The following TSPAN12 variants were observed in gnomAD, a reference collection of about 807,000 sequenced individuals.
The protein encoded by TSPAN12 is tetraspanin 12, also known as tetraspanin-12.
A neutral mutation model predicts 39.2 loss-of-function variants in TSPAN12; 19 were observed. That is an observed-to-expected ratio of 0.49 (90% CI 0.34 to 0.71). TSPAN12 has a LOEUF of 0.71. Ranked by LOEUF, TSPAN12 falls within the 30% of genes least tolerant of loss-of-function variation. The probability of loss-of-function intolerance (pLI) is 0.01; values close to 1 mark genes in which losing one functional copy is unlikely to be tolerated. For synonymous variants in TSPAN12, 119 were observed against 124.8 expected, an observed-to-expected ratio of 0.95 and a Z score of 0.31; for missense variants, 314 against 359.9, an observed-to-expected ratio of 0.87 and a Z score of 1.03.
intron 2 of TSPAN12, among the ~76,000 whole-genome samples, chr7:120,842,565 G>A (rs1433185381): frequency 1.3e-5 from 2 of 151,876 alleles, no homozygotes; most frequent in East Asian, 1.9e-4. Context: ...GGGCTTCGAC[G>A]TGCCAGGGTT....
chr7:120,799,282 C>T (rs1793693345), intron 7 of TSPAN12, among the ~76,000 whole-genome samples: 1 of 151,230 alleles, frequency 6.6e-6, no homozygotes, highest in Admixed American at 6.6e-5. Flanking sequence ...CTAGGTGGAG[C>T]TTGCCAGAAG....
Position 120,801,544 on chromosome 7 carries a change from G to C in TSPAN12, c.612+5005C>G, listed in dbSNP as rs921808795. ...AAATCTGTGGGAATACTACTTTTCTGAAGAAGCAGCCAATATATTTGAACA... is the reference window on the plus strand; with the variant it reads ...AAATCTGTGGGAATACTACTTTTCTCAAGAAGCAGCCAATATATTTGAACA... On this transcript the variant is annotated intron_variant, in intron 7 of 7. Transcript: ENST00000222747. Among the ~76,000 whole-genome samples, 4 of 152,202 alleles carry C rather than the reference G, an allele frequency of 2.6e-5. No individual in the cohort carries two copies. In the East Asian group the frequency reaches 5.8e-4, roughly 22 times the overall value.
chr7:120,816,437 T>C (rs1042469139), intron 4 of TSPAN12, among the ~76,000 whole-genome samples: 5 of 150,004 alleles, frequency 3.3e-5, no homozygotes, highest in African/African-American at 1.2e-4. Context: ...TCCTATGAAA[T>C]AGAGAAATAT....
Position 120,804,319 on chromosome 7 carries a change from T to C in TSPAN12, c.612+2230A>G, listed in dbSNP as rs181832119. ...AGAAATATTAGTACTGTTTTCCGTT[T>C]TATGGAATAAGCAGGAGTTTGCCGC... On this transcript the variant is annotated intron_variant, in intron 7 of 7. Transcript: ENST00000222747. 1.4e-3 allele frequency among the ~76,000 whole-genome samples: 208 copies of C among 152,212 alleles called. 2 individuals carry two copies. Among genetic ancestry groups the C allele is most frequent in the African/African-American group, 4.8e-3 (199 of 41,536 alleles).
chr7:120,821,166 A>C (rs1275770486), intron 4 of TSPAN12, among the ~76,000 whole-genome samples: 1 of 152,050 alleles, frequency 6.6e-6, no homozygotes, highest in East Asian at 1.9e-4. Context: ...AAAATATCTA[A>C]TTTCCCCTAC....
intron 2 of TSPAN12, 63 bp downstream of exon 2, chr7:120,856,635 C>G: frequency 1.3e-6 from 2 of 1,529,552 alleles, no homozygotes; most frequent in Non-Finnish European, 1.8e-6. Context: ...GGCGCATTAT[C>G]CGGTGGCTGC....
intron 5 of TSPAN12, among the ~76,000 whole-genome samples, chr7:120,812,617 C>T (rs1291768712): frequency 3.3e-5 from 5 of 151,962 alleles, no homozygotes; most frequent in African/African-American, 4.8e-5. Context: ...CTTGGAAATA[C>T]ACAATAAAAC....
chr7:120,846,016 G>C (rs561375171), intron 2 of TSPAN12, among the ~76,000 whole-genome samples: 1 of 152,158 alleles, frequency 6.6e-6, no homozygotes, highest in Non-Finnish European at 1.5e-5. Context: ...AGGATGTACA[G>C]GAAGCATGGC....
At position 120,806,672 on chromosome 7, in the gene TSPAN12, T is replaced by C. The variant is rs746198006; in HGVS notation, c.489A>G (p.Val163=). 223 of 1,613,338 alleles carry C rather than the reference T, an allele frequency of 1.4e-4. No individual in the cohort carries two copies. Among genetic ancestry groups the C allele is most frequent in the Non-Finnish European group, 1.8e-4 (211 of 1,179,528 alleles). The change falls in exon 7 of 8, where the codon GTA becomes GTG. Residue 163 remains valine, a synonymous_variant. Transcript: ENST00000222747. ...TCATTTCCAACCAGTCAGTGAAATA[T>C]ACTACTCCACAGCACTTAAACTGCA... The part of the protein sequence containing the change: ...FQREFKCCGV[V]YFTDWLEMTE...
rs551135170 is a variant in TSPAN12, at chr7:120,819,878, AT to A, written c.286-4076del. On this transcript the variant is annotated intron_variant, in intron 4 of 7. Coordinates refer to ENST00000222747, the MANE Select transcript of TSPAN12 (RefSeq NM_012338.4). The stretch of plus-strand genomic sequence containing the variant: ...AGCTGCTATTTAGTTTAAGAGCTAG[AT>A]TTGAAGCATCTATAAAGCATGATGC... Among the ~76,000 whole-genome samples the A allele has an allele frequency of 1.5e-3, 233 of 152,260 alleles. 1 individual carries two copies. Among genetic ancestry groups the A allele is most frequent in the African/African-American group, 5.4e-3 (224 of 41,554 alleles).
chr7:120,843,652 C>G (rs1436853501), intron 2 of TSPAN12, among the ~76,000 whole-genome samples: 3 of 152,152 alleles, frequency 2.0e-5, no homozygotes, highest in Non-Finnish European at 2.9e-5. Context: ...CCCCTCTTGG[C>G]CCCCCATAAT....
intron 6 of TSPAN12, 62 bp downstream of exon 6, chr7:120,810,401 C>T (rs1292255980): frequency 3.8e-6 from 4 of 1,043,470 alleles, no homozygotes; most frequent in East Asian, 2.4e-5. Flanking sequence ...AAGCTTTAAA[C>T]ATCTGGTTTG....
chr7:120,788,477 T>A lies in TSPAN12; in HGVS notation c.*115A>T. ...AAGCATAGAATAGTATATGCTTAGG[T>A]GTTATTTTATGGCAACATTTTTATT... On this transcript the variant is annotated 3_prime_UTR_variant, in exon 8 of 8. Coordinates refer to ENST00000222747, the MANE Select transcript of TSPAN12 (RefSeq NM_012338.4). 7.9e-7 allele frequency: 1 copy of A among 1,258,920 alleles called. No homozygotes were observed. Among genetic ancestry groups the A allele is most frequent in the Non-Finnish European group, 1.1e-6 (1 of 871,272 alleles). 78.0% of individuals were successfully genotyped at this position (1,258,920 alleles called of 1,614,324 possible).
rs74957445 is a variant in TSPAN12, at chr7:120,793,150, C to T, written c.613-4253G>A. 3.3e-3 allele frequency among the ~76,000 whole-genome samples: 500 copies of T among 152,336 alleles called. 4 individuals carry two copies. Among genetic ancestry groups the T allele is most frequent in the African/African-American group, 0.011 (474 of 41,580 alleles). On this transcript the variant is annotated intron_variant, in intron 7 of 7. Transcript: ENST00000222747. The stretch of plus-strand genomic sequence containing the variant: ...CTCTAGGCTAAATAGTCCTAGTTTT[C>T]AAGTTTTCCAAATATGTACACTTAA...
At chr7:120,809,604 G>A (rs185819234) in intron 6 of TSPAN12, among the ~76,000 whole-genome samples, 85 of 152,116 alleles carry the variant, frequency 5.6e-4, no homozygotes, top group Middle Eastern at 3.4e-3. Flanking sequence ...AATGCTTTGC[G>A]GCCTAGCACT....
intron 4 of TSPAN12, among the ~76,000 whole-genome samples, chr7:120,825,502 C>T (rs1236289877): frequency 6.6e-6 from 1 of 152,070 alleles, no homozygotes; most frequent in Non-Finnish European, 1.5e-5. Flanking sequence ...GCTACATAGC[C>T]AATACTTTTA....
At chr7:120,844,271 C>G (rs986053663) in intron 2 of TSPAN12, among the ~76,000 whole-genome samples, 3 of 152,118 alleles carry the variant, frequency 2.0e-5, no homozygotes, top group African/African-American at 7.2e-5. Flanking sequence ...GGACACTAAT[C>G]CAAACCATAT....
At chr7:120,830,162 T>C (rs190437762) in intron 4 of TSPAN12, among the ~76,000 whole-genome samples, 5 of 149,764 alleles carry the variant, frequency 3.3e-5, no homozygotes, top group Non-Finnish European at 5.9e-5. Flanking sequence ...CACAAACAAA[T>C]AGAAAGATAT....
chr7:120,856,953 C>G, intron 1 of TSPAN12, 120 bp from the exon 2 acceptor site: 1 of 654,834 alleles, frequency 1.5e-6, no homozygotes, highest in Admixed American at 2.4e-5. Context: ...CCAGTGCATT[C>G]GAGACATCGC....
Sources: gnomAD v4.1 joint callset for allele counts (sites outside exome capture counted in the v4.1 genomes callset) on GRCh38, gnomAD v4.1.1 for gene constraint, MANE v1.5 for transcripts, NCBI Gene and HGNC (gene_info 2026-07-23, HGNC 2026-07-21) for gene names.